Variants in SIPA1L1 observed in about 807,000 individuals in gnomAD.
The protein encoded by SIPA1L1 is signal induced proliferation associated 1 like 1.
In SIPA1L1, 26 loss-of-function variants were observed where a neutral mutation model predicts 162.7. The ratio of observed to expected loss-of-function variants is 0.16; its 90% confidence interval spans 0.12 to 0.22. SIPA1L1 has a LOEUF of 0.22. Ranked by LOEUF, SIPA1L1 falls within the 10% of genes least tolerant of loss-of-function variation. The probability of loss-of-function intolerance (pLI) is 1.00; values close to 1 mark genes in which losing one functional copy is unlikely to be tolerated. For synonymous variants in SIPA1L1, 829 were observed against 837.4 expected, an observed-to-expected ratio of 0.99 and a Z score of 0.17; for missense variants, 1,874 against 2,241.0, an observed-to-expected ratio of 0.84 and a Z score of 3.31.
At chr14:71,446,683 CTTGA>C (rs1254445316) in intron 2 of SIPA1L1, among the ~76,000 whole-genome samples, 2 of 151,840 alleles carry the variant, frequency 1.3e-5, no homozygotes, top group Non-Finnish European at 2.9e-5. Flanking sequence ...TATATAAATG[CTTGA>C]TTGTTTTCTT....
At chr14:71,329,024 T>TAGTAAA (rs1466208819) in intron 2 of SIPA1L1, among the ~76,000 whole-genome samples, 2 of 152,214 alleles carry the variant, frequency 1.3e-5, no homozygotes, top group Non-Finnish European at 2.9e-5. Context: ...TGGAATCATG[T>TAGTAAA]AGTATTTGTC....
At chr14:71,684,310 C>T (rs1303057450) in intron 12 of SIPA1L1, among the ~76,000 whole-genome samples, 1 of 152,242 alleles carries the variant, frequency 6.6e-6, no homozygotes, top group Non-Finnish European at 1.5e-5. Flanking sequence ...TAGACAAGGT[C>T]ATGAAAGAGT....
intron 16 of SIPA1L1, among the ~76,000 whole-genome samples, chr14:71,707,719 AT>A (rs553896077): frequency 1.8e-4 from 27 of 149,400 alleles, no homozygotes; most frequent in East Asian, 3.9e-4. Context: ...GGACACTTGG[AT>A]TTTTTTTTTG....
intron 2 of SIPA1L1, among the ~76,000 whole-genome samples, chr14:71,389,324 A>G (rs532923442): frequency 6.6e-6 from 1 of 152,358 alleles, no homozygotes; most frequent in Non-Finnish European, 1.5e-5. Flanking sequence ...TAGATGGCTC[A>G]GTGGGTAATA....
At chr14:71,734,213 GC>G (rs34393227) in intron 21 of SIPA1L1, among the ~76,000 whole-genome samples, 1 of 152,240 alleles carries the variant, frequency 6.6e-6, no homozygotes, top group Non-Finnish European at 1.5e-5. Flanking sequence ...AATGTGGGGC[GC>G]CCCCTTTGCC....
intron 15 of SIPA1L1, among the ~76,000 whole-genome samples, chr14:71,703,730 T>A (rs1333528633): frequency 6.6e-6 from 1 of 152,204 alleles, no homozygotes; most frequent in Non-Finnish European, 1.5e-5. Flanking sequence ...AGTGCAGGCT[T>A]TGAACAAGGC....
rs35357297 is a variant in SIPA1L1 at position 71,739,436 on chromosome 14, CTT to C, written c.*277_*278del. 88,787 of 222,166 alleles carry C rather than the reference CTT, an allele frequency of 0.4. 18,776 individuals carry two copies. The highest frequency in any genetic ancestry group is 0.52 in the Admixed American group (9,635 of 18,552). 13.8% of individuals were successfully genotyped at this position (222,166 alleles called of 1,614,324 possible). A position where few individuals can be genotyped will look rare whatever the true frequency, so the allele number is the denominator to read the frequency against. On this transcript the variant is annotated 3_prime_UTR_variant, in exon 24 of 24. Coordinates refer to ENST00000381232, the MANE Select transcript of SIPA1L1 (RefSeq NM_001386936.1). ...ATGTCTTTATTTTTTTGCACAATATCTTTATCTGTTATGTATTTAAGAAGAAA... is the reference window on the plus strand; with the variant it reads ...ATGTCTTTATTTTTTTGCACAATATCTATCTGTTATGTATTTAAGAAGAAA...
intron 5 of SIPA1L1, among the ~76,000 whole-genome samples, chr14:71,590,021 TAAAAAA>T (rs200463823): frequency 0.011 from 960 of 84,722 alleles, 5 homozygotes; most frequent in Middle Eastern, 0.019. Context: ...AGTGGGAGAG[TAAAAAA>T]AAAAAAAAAA....
chr14:71,694,397 T>C (rs1016539774), intron 13 of SIPA1L1, among the ~76,000 whole-genome samples: 1 of 152,150 alleles, frequency 6.6e-6, no homozygotes, highest in Admixed American at 6.5e-5. Context: ...AATGAAAAGC[T>C]GGTGTTTAGT....
At chr14:71,522,056 G>A (rs917185514) in intron 3 of SIPA1L1, among the ~76,000 whole-genome samples, 2 of 152,132 alleles carry the variant, frequency 1.3e-5, no homozygotes, top group Non-Finnish European at 2.9e-5. Flanking sequence ...TCTTGGTTTT[G>A]TTTGCCTGAA....
At chr14:71,436,760 A>ATTTT (rs1231560483) in intron 2 of SIPA1L1, among the ~76,000 whole-genome samples, 18 of 130,984 alleles carry the variant, frequency 1.4e-4, no homozygotes, top group African/African-American at 2.0e-4. Flanking sequence ...TACCTTCTGA[A>ATTTT]TTTTTTTTTT....
rs114268265 is a variant in SIPA1L1 at position 71,332,248 on chromosome 14, T to C, written c.-465+11067T>C. On this transcript the variant is annotated intron_variant, in intron 2 of 23. Transcript: ENST00000381232. ...TGTAAGTGTTTATTGAATCCCATTATATGCCAGGGACTGGTGGCTGCTGCT... is the reference window on the plus strand; with the variant it reads ...TGTAAGTGTTTATTGAATCCCATTACATGCCAGGGACTGGTGGCTGCTGCT... Among the ~76,000 whole-genome samples the C allele has an allele frequency of 5.0e-3, 766 of 152,316 alleles. 11 individuals are homozygous for C. The highest frequency in any genetic ancestry group is 0.018 in the African/African-American group (730 of 41,574).
rs775955213 is a variant in SIPA1L1, at chr14:71,650,465, G to A, written c.1949G>A (p.Arg650Gln). Residue 650 changes from arginine to glutamine, a missense_variant, in exon 8 of 24, where the codon CGG (arginine) becomes CAG (glutamine). Arg to Gln is a conservative substitution (Grantham distance 43). This residue lies in a region of SIPA1L1 where 685 missense variants were observed against 828.0 expected (regional missense o/e 0.83). Coordinates refer to ENST00000381232, the MANE Select transcript of SIPA1L1 (RefSeq NM_001386936.1). ...EFLQLLGERV[R>Q]LKGFEKYRAQ... is the part of the protein sequence containing the mutation. ...CTTCAACTATTGGGAGAGCGAGTTC[G>A]GCTCAAAGGATTTGAGAAGTATCGA... 1.2e-5 allele frequency: 19 copies of A among 1,614,082 alleles called. No individual in the cohort carries two copies. Among genetic ancestry groups the A allele is most frequent in the East Asian group, 6.7e-5 (3 of 44,882 alleles).
At chr14:71,373,555 G>A (rs2039091805) in intron 2 of SIPA1L1, among the ~76,000 whole-genome samples, 1 of 151,210 alleles carries the variant, frequency 6.6e-6, no homozygotes, top group Admixed American at 6.6e-5. Context: ...AACCCAGGAG[G>A]CTGAGGCAGG....
In SIPA1L1 at chr14:71,434,975, T is replaced by C. The variant is rs567492782; in HGVS notation, c.-464-77768T>C. Among the ~76,000 whole-genome samples the C allele has an allele frequency of 5.9e-5, 9 of 152,332 alleles. No individual in the cohort carries two copies. The South Asian group carries it at 1.9e-3, about 32-fold the overall frequency. On this transcript the variant is annotated intron_variant, in intron 2 of 23. Transcript: ENST00000381232. ...TTATTCCAGTTTTTACCTAGTCTCT[T>C]AATAATGGACTTTAAGTTGTTTCCA...
At chr14:71,625,750 T>C (rs986822224) in intron 7 of SIPA1L1, among the ~76,000 whole-genome samples, 2 of 152,228 alleles carry the variant, frequency 1.3e-5, no homozygotes, top group African/African-American at 4.8e-5. Flanking sequence ...ACTGTGTTTA[T>C]CAAGGAGAAT....
At chr14:71,504,705 C>T (rs904606567) in intron 2 of SIPA1L1, among the ~76,000 whole-genome samples, 1 of 152,184 alleles carries the variant, frequency 6.6e-6, no homozygotes, top group South Asian at 2.1e-4. Context: ...AAGATGCGTA[C>T]TGATTTCAGT....
rs140485677 is a variant in SIPA1L1, at chr14:71,588,832, C to G, written c.960C>G (p.Asp320Glu). ...SSDLEDNRSE[D>E]SVRPWTCPKC... ...ATCTTGAAGATAACCGATCAGAAGA[C>G]TCTGTCAGGCCCTGGACATGTCCAA... is the stretch of plus-strand genomic sequence containing the variant. The change falls in exon 5 of 24, where the codon GAC (aspartate) becomes GAG (glutamate). Residue 320 changes from aspartate (D) to glutamate (E), a missense_variant. Around this residue, in one of 5 missense-constraint regions of SIPA1L1, gnomAD observed 685 missense variants for 828.0 expected, o/e 0.83. Coordinates refer to ENST00000381232, the MANE Select transcript of SIPA1L1 (RefSeq NM_001386936.1). This position sits in a 1 kb window ranked among gnomAD's most constrained non-coding sequence, Gnocchi z 4.3. 6 of 1,613,982 alleles carry G rather than the reference C, an allele frequency of 3.7e-6. No homozygotes were observed. The highest frequency in any genetic ancestry group is 2.7e-5 in the African/African-American group (2 of 74,920).
intron 3 of SIPA1L1, among the ~76,000 whole-genome samples, chr14:71,523,501 C>A (rs2052564932): frequency 6.6e-6 from 1 of 151,384 alleles, no homozygotes; most frequent in Non-Finnish European, 1.5e-5. Context: ...AGGTAATTAA[C>A]CTTGATAGAA....
Sources: allele counts gnomAD v4.1 joint callset (sites outside exome capture counted in the v4.1 genomes callset), GRCh38; gene constraint gnomAD v4.1.1; regional missense constraint gnomAD v4.1.1; non-coding constraint Gnocchi (gnomAD v3.1); transcripts MANE v1.5; gene names NCBI Gene and HGNC (gene_info 2026-07-23, HGNC 2026-07-21).